RBFOX3: variants seen among roughly 807,000 people sequenced by gnomAD.
The protein encoded by RBFOX3 is RNA binding protein fox-1 homolog 3.
A neutral mutation model predicts 48.7 loss-of-function variants in RBFOX3; 17 were observed. The ratio of observed to expected loss-of-function variants is 0.35; its 90% confidence interval spans 0.24 to 0.52. The LOEUF is 0.52. RBFOX3 is among the 20% of genes least tolerant of loss of function. RBFOX3 has a pLI of 0.94. For synonymous variants in RBFOX3, 212 were observed against 209.5 expected, an observed-to-expected ratio of 1.01 and a Z score of -0.10; for missense variants, 382 against 497.5, an observed-to-expected ratio of 0.77 and a Z score of 2.21.
the RBFOX3 span, among the ~76,000 whole-genome samples, chr17:79,619,804 T>A: frequency 1.6e-4 from 25 of 151,990 alleles, no homozygotes; most frequent in Non-Finnish European, 2.8e-4. Flanking sequence ...CCATCTCCCC[T>A]CCTCCAGCCC....
chr17:79,534,113 C>T (rs894148608), intron 1 of RBFOX3, among the ~76,000 whole-genome samples: 1 of 152,318 alleles, frequency 6.6e-6, no homozygotes, highest in South Asian at 2.1e-4. Flanking sequence ...AACACAGAAA[C>T]TTGCAATTAA....
At chr17:79,349,982 C>G (rs1390928172) in intron 2 of RBFOX3, among the ~76,000 whole-genome samples, 1 of 152,190 alleles carries the variant, frequency 6.6e-6, no homozygotes, top group Admixed American at 6.5e-5. Context: ...TCCAGAAAAT[C>G]ACAGTCCACA....
At chr17:79,501,186 C>G (rs1485020599) in intron 1 of RBFOX3, among the ~76,000 whole-genome samples, 5 of 152,242 alleles carry the variant, frequency 3.3e-5, no homozygotes, top group Non-Finnish European at 5.9e-5. Flanking sequence ...CTATTATCTT[C>G]CTCCGAGCCG....
chr17:79,435,161 C>G (rs1555730425), intron 2 of RBFOX3, among the ~76,000 whole-genome samples: 1 of 152,182 alleles, frequency 6.6e-6, no homozygotes, highest in Non-Finnish European at 1.5e-5. Context: ...CCCACCTCCG[C>G]AGGGTGGACA....
the RBFOX3 span, among the ~76,000 whole-genome samples, chr17:79,639,277 C>T: frequency 6.6e-6 from 1 of 152,072 alleles, no homozygotes; most frequent in Admixed American, 6.6e-5. Context: ...CAGGTTCACG[C>T]CATTCTCCTG....
At chr17:79,248,602 A>G (rs952110143) in intron 3 of RBFOX3, among the ~76,000 whole-genome samples, 3 of 152,248 alleles carry the variant, frequency 2.0e-5, no homozygotes, top group African/African-American at 7.2e-5. Context: ...AACAAAACCA[A>G]GAGTAGCTCC....
At chr17:79,552,630 TTC>T (rs1166105004) in intron 1 of RBFOX3, among the ~76,000 whole-genome samples, 17 of 152,180 alleles carry the variant, frequency 1.1e-4, no homozygotes, top group African/African-American at 4.1e-4. Context: ...ATTATAATGA[TTC>T]CATTGTAATT....
intron 3 of RBFOX3, among the ~76,000 whole-genome samples, chr17:79,286,705 T>C (rs1233206024): frequency 1.3e-5 from 2 of 151,956 alleles, no homozygotes; most frequent in African/African-American, 4.8e-5. Flanking sequence ...TCTCCCTTGG[T>C]GTTAAGAATG....
the RBFOX3 span, among the ~76,000 whole-genome samples, chr17:79,661,442 T>C: frequency 6.6e-6 from 1 of 152,282 alleles, no homozygotes; most frequent in African/African-American, 2.4e-5. Flanking sequence ...GTTCATAGAG[T>C]GTAGTTCTGT....
At chr17:79,312,336 G>GGT (rs2076968958) in intron 2 of RBFOX3, among the ~76,000 whole-genome samples, 2 of 151,608 alleles carry the variant, frequency 1.3e-5, no homozygotes, top group Admixed American at 6.6e-5. Flanking sequence ...ACAGAGAGCC[G>GGT]GTGGCAGCAA....
intron 14 of RBFOX3, among the ~76,000 whole-genome samples, chr17:79,093,840 G>A (rs910238917): frequency 5.4e-5 from 8 of 147,422 alleles, no homozygotes; most frequent in African/African-American, 1.7e-4. Flanking sequence ...GACACGCCAC[G>A]CCGCGCACCT....
At chr17:79,353,531 T>C (rs1008398281) in intron 2 of RBFOX3, among the ~76,000 whole-genome samples, 1 of 152,206 alleles carries the variant, frequency 6.6e-6, no homozygotes. Context: ...AAGATGCCAC[T>C]ATATAAGAAG....
At chr17:79,161,413 C>T (rs1399344846) in intron 4 of RBFOX3, among the ~76,000 whole-genome samples, 2 of 152,210 alleles carry the variant, frequency 1.3e-5, no homozygotes, top group Non-Finnish European at 2.9e-5. Context: ...CCATCACTTC[C>T]GTCTCCGCAT....
intron 4 of RBFOX3, among the ~76,000 whole-genome samples, chr17:79,200,088 G>A (rs1262613276): frequency 4.6e-5 from 7 of 150,616 alleles, no homozygotes; most frequent in Admixed American, 1.3e-4. Context: ...ACTTGAACCC[G>A]GAAGGCAGAG....
chr17:79,276,173 T>A (rs530044479), intron 3 of RBFOX3, among the ~76,000 whole-genome samples: 5 of 152,212 alleles, frequency 3.3e-5, no homozygotes, highest in African/African-American at 1.2e-4. Flanking sequence ...AGCAGAGCCA[T>A]CCAGGGATGG....
intron 1 of RBFOX3, among the ~76,000 whole-genome samples, chr17:79,504,877 G>T (rs1164721768): frequency 6.6e-6 from 1 of 152,190 alleles, no homozygotes; most frequent in Non-Finnish European, 1.5e-5. Context: ...AACATATACA[G>T]ATGCGGACGT....
In RBFOX3 at chr17:79,555,454, G is replaced by GTGA. The variant is rs1238497914; in HGVS notation, c.-320+55369_-320+55371dup. Reference sequence around the variant, plus strand: ...GGTGATGATGGTAGTTGTGGTGGTAGTGATGATGATGATGACAATGATAAT... The same window carrying GTGA: ...GGTGATGATGGTAGTTGTGGTGGTAGTGATGATGATGATGATGACAATGATAAT... On this transcript the variant is annotated intron_variant, in intron 1 of 14. Coordinates refer to ENST00000693108, the MANE Select transcript of RBFOX3 (RefSeq NM_001350451.2). Among the ~76,000 whole-genome samples, 6 of 135,350 alleles carry GTGA rather than the reference G, an allele frequency of 4.4e-5. 1 individual carries two copies. Among genetic ancestry groups the GTGA allele is most frequent in the Admixed American group, 1.4e-4 (2 of 14,366 alleles). The allele number at this position is 135,350 out of a possible 152,430, so 88.8% of individuals were successfully genotyped here. A position where few individuals can be genotyped will look rare whatever the true frequency, so the allele number is the denominator to read the frequency against.
chr17:79,476,173 G>A (rs1188213100), intron 2 of RBFOX3, among the ~76,000 whole-genome samples: 3 of 152,176 alleles, frequency 2.0e-5, no homozygotes, highest in African/African-American at 7.2e-5. Flanking sequence ...CCGCTCCAGC[G>A]CTGGAACTAC....
intron 2 of RBFOX3, among the ~76,000 whole-genome samples, chr17:79,425,340 T>G (rs10445223): frequency 2.0e-5 from 3 of 151,912 alleles, no homozygotes; most frequent in African/African-American, 7.3e-5. Flanking sequence ...GGGGAGGGCC[T>G]GGGGGGGCTT....
Sources: gnomAD v4.1 joint callset for allele counts (sites outside exome capture counted in the v4.1 genomes callset) on GRCh38, gnomAD v4.1.1 for gene constraint, MANE v1.5 for transcripts, NCBI Gene and HGNC (gene_info 2026-07-23, HGNC 2026-07-21) for gene names.